The following FGF14 variants were observed in gnomAD, a reference collection of about 807,000 sequenced individuals.
The protein encoded by FGF14 is fibroblast growth factor 14, also known as fibroblast growth factor homologous factor 4.
Under a neutral mutation model 25.5 loss-of-function variants are expected in FGF14, and 5 were observed. That is an observed-to-expected ratio of 0.20 (90% CI 0.10 to 0.41). The LOEUF (loss-of-function observed/expected upper bound fraction) is 0.41. Ranked by LOEUF, FGF14 falls within the 10% of genes least tolerant of loss-of-function variation. The pLI, the probability that FGF14 is intolerant of heterozygous loss-of-function variation, is 1.00. For missense variants in FGF14, 222 were observed against 320.1 expected (o/e 0.69, Z 2.34); for synonymous variants, 138 against 118.3 (o/e 1.17, Z -1.08).
intron 1 of FGF14, among the ~76,000 whole-genome samples, chr13:102,378,583 TTATATATATC>T (rs1230454407): frequency 5.4e-5 from 8 of 147,690 alleles, no homozygotes; most frequent in African/African-American, 2.0e-4. Flanking sequence ...ATTAAGTATG[TTATATATATC>T]TATATCTATC....
At chr13:101,776,766 A>T (rs1386252101) in intron 3 of FGF14, among the ~76,000 whole-genome samples, 1 of 152,222 alleles carries the variant, frequency 6.6e-6, no homozygotes, top group African/African-American at 2.4e-5. Flanking sequence ...TTCTTTGTAC[A>T]TTCAAAATAC....
At chr13:102,191,688 A>C (rs753481787) in intron 1 of FGF14, among the ~76,000 whole-genome samples, 14 of 152,208 alleles carry the variant, frequency 9.2e-5, no homozygotes, top group Non-Finnish European at 1.9e-4. Flanking sequence ...ATTTTATCCC[A>C]AAAGCCTCAA....
At chr13:101,981,714 C>A (rs992781309) in intron 1 of FGF14, among the ~76,000 whole-genome samples, 1 of 152,018 alleles carries the variant, frequency 6.6e-6, no homozygotes, top group African/African-American at 2.4e-5. Context: ...GAATATAAAC[C>A]ATTGATTCTC....
At chr13:102,069,041 C>T (rs7328315) in intron 1 of FGF14, among the ~76,000 whole-genome samples, 1,679 of 152,190 alleles carry the variant, frequency 0.011, 30 homozygotes, top group African/African-American at 0.038. Context: ...CCAATCGACA[C>T]TCTGTATCTA....
chr13:102,340,688 A>C (rs1402036939), intron 1 of FGF14, among the ~76,000 whole-genome samples: 6 of 152,162 alleles, frequency 3.9e-5, no homozygotes. Flanking sequence ...CAAAACTTAA[A>C]ATCTATATGT....
At chr13:101,938,273 CACA>C (rs956295934) in intron 1 of FGF14, among the ~76,000 whole-genome samples, 7 of 151,616 alleles carry the variant, frequency 4.6e-5, no homozygotes, top group East Asian at 3.8e-4. Flanking sequence ...TTGCTTCATA[CACA>C]ACAACAACAA....
At chr13:101,984,985 G>A (rs1207354822) in intron 1 of FGF14, among the ~76,000 whole-genome samples, 2 of 151,558 alleles carry the variant, frequency 1.3e-5, no homozygotes, top group Admixed American at 1.3e-4. Context: ...GGAAAGACAA[G>A]CACCTAAAAT....
At chr13:102,099,468 T>C (rs543732867) in intron 1 of FGF14, among the ~76,000 whole-genome samples, 5 of 152,188 alleles carry the variant, frequency 3.3e-5, no homozygotes, top group African/African-American at 1.2e-4. Flanking sequence ...AAAAACAAAA[T>C]AGGACCAATT....
chr13:102,300,720 A>T (rs1454827571), intron 1 of FGF14, among the ~76,000 whole-genome samples: 2 of 152,138 alleles, frequency 1.3e-5, no homozygotes, highest in Non-Finnish European at 2.9e-5. Flanking sequence ...GCACAAGAAG[A>T]TACACAGTGC....
At chr13:102,377,384 G>A (rs1406155813) in intron 1 of FGF14, among the ~76,000 whole-genome samples, 1 of 152,136 alleles carries the variant, frequency 6.6e-6, no homozygotes, top group African/African-American at 2.4e-5. Flanking sequence ...AATTAGGGAA[G>A]AGAATAGTAA....
intron 1 of FGF14, among the ~76,000 whole-genome samples, chr13:102,000,189 G>T (rs547272162): frequency 6.8e-4 from 104 of 152,158 alleles, no homozygotes; most frequent in African/African-American, 2.4e-3. Context: ...CCTGGTGGCG[G>T]GCACCTGTAA....
chr13:101,726,799 G>A lies in FGF14; in HGVS notation c.420C>T (p.Thr140=), dbSNP rs763749500. 1.2e-6 allele frequency: 2 copies of A among 1,608,840 alleles called. No homozygotes were observed. Among genetic ancestry groups the A allele is most frequent in the South Asian group, 1.1e-5 (1 of 90,968 alleles). Residue 140 remains threonine, a synonymous_variant, in exon 4 of 5, where the codon ACC becomes ACT. Coordinates refer to ENST00000376143, the MANE Select transcript of FGF14 (RefSeq NM_004115.4). ...CAGATTCTTTAAACTTGCATTCAGG[G>A]GTAAAAAGTTCCTGTGGAGAGAAAA... The part of the protein sequence containing the change: ...EGYLYPSELF[T]PECKFKESVF...
chr13:101,890,410 C>T (rs1283703138), intron 1 of FGF14, among the ~76,000 whole-genome samples: 1 of 152,144 alleles, frequency 6.6e-6, no homozygotes, highest in Non-Finnish European at 1.5e-5. Flanking sequence ...AAAAACCTTT[C>T]TGTCTGCTTT....
At chr13:102,343,706 C>T (rs1428931358) in intron 1 of FGF14, among the ~76,000 whole-genome samples, 1 of 152,166 alleles carries the variant, frequency 6.6e-6, no homozygotes, top group African/African-American at 2.4e-5. Flanking sequence ...AAACATAGCT[C>T]TCACATTCAT....
At chr13:101,845,559 C>T (rs2043411689) in intron 3 of FGF14, among the ~76,000 whole-genome samples, 1 of 151,874 alleles carries the variant, frequency 6.6e-6, no homozygotes, top group Non-Finnish European at 1.5e-5. Context: ...AGAGATATGA[C>T]AGTGAAGGCA....
intron 3 of FGF14, among the ~76,000 whole-genome samples, chr13:101,858,851 C>T (rs960888951): frequency 3.3e-5 from 5 of 151,988 alleles, no homozygotes; most frequent in African/African-American, 9.7e-5. Context: ...TGCTTTAAAA[C>T]GTTCAAGTTT....
chr13:102,224,178 A>T (rs1210403327), intron 1 of FGF14, among the ~76,000 whole-genome samples: 1 of 152,172 alleles, frequency 6.6e-6, no homozygotes, highest in Non-Finnish European at 1.5e-5. Context: ...TAAAGAAAAC[A>T]TATCTCCAAA....
At chr13:102,223,504 A>C (rs1204365996) in intron 1 of FGF14, among the ~76,000 whole-genome samples, 1 of 152,142 alleles carries the variant, frequency 6.6e-6, no homozygotes, top group Non-Finnish European at 1.5e-5. Flanking sequence ...GCTCCCTCTT[A>C]TTTAGATTTG....
intron 1 of FGF14, among the ~76,000 whole-genome samples, chr13:101,923,881 T>C (rs777594531): frequency 5.3e-5 from 8 of 152,114 alleles, no homozygotes; most frequent in Non-Finnish European, 1.0e-4. Context: ...ACCAGATTGA[T>C]ACTAGCAGAT....
Sources: allele counts gnomAD v4.1 joint callset (sites outside exome capture counted in the v4.1 genomes callset), GRCh38; gene constraint gnomAD v4.1.1; transcripts MANE v1.5; gene names NCBI Gene and HGNC (gene_info 2026-07-23, HGNC 2026-07-21).